The following NUCB2 variants were observed in gnomAD, a reference collection of about 807,000 sequenced individuals.
NUCB2 encodes the protein nucleobindin-2.
A neutral mutation model predicts 57.9 loss-of-function variants in NUCB2; 48 were observed. The ratio of observed to expected loss-of-function variants is 0.83; its 90% CI spans 0.66 to 1.05. The LOEUF (loss-of-function observed/expected upper bound fraction) is 1.05. Ranked by LOEUF, NUCB2 falls within the 50% of genes least tolerant of loss-of-function variation. NUCB2 has a pLI of 0.00. For synonymous variants in NUCB2, 139 were observed against 152.1 expected (o/e 0.91, Z 0.64); for missense variants, 442 against 476.2 (o/e 0.93, Z 0.67).
rs1555062027 is a variant in NUCB2, at chr11:17,282,259, T to TATATA, written c.-155-530_-155-529insATATA. 5.6e-4 allele frequency among the ~76,000 whole-genome samples: 41 copies of TATATA among 73,016 alleles called. No homozygotes were observed. In the South Asian group the frequency reaches 6.4e-3, roughly 11 times the overall value. 47.9% of individuals were successfully genotyped at this position (73,016 alleles called of 152,430 possible). A position where few individuals can be genotyped will look rare whatever the true frequency, so the allele number is the denominator to read the frequency against. ...ATCTATATATATATATATATATATA[T>TATATA]TTTTTTTTTTTTTTCCCAAGACAGA... On this transcript the variant is annotated intron_variant, in intron 1 of 13. Transcript: ENST00000529010.
chr11:17,302,667 G>T (rs1225986375), intron 5 of NUCB2, among the ~76,000 whole-genome samples: 1 of 151,846 alleles, frequency 6.6e-6, no homozygotes, highest in Admixed American at 6.6e-5. Context: ...AACTCCTAGG[G>T]CTCAGGTAGT....
rs34405111 is a variant in NUCB2 at position 17,330,174 on chromosome 11, T to G, written c.1050T>G (p.Tyr350Ter). 4 of 1,584,126 alleles carry G rather than the reference T, an allele frequency of 2.5e-6. No homozygotes were observed. The East Asian group carries it at 9.0e-5, about 36-fold the overall frequency. ...QFFTEEELKE[Y>*]ENIIALQENE... The stretch of plus-strand genomic sequence containing the variant: ...TCACAGAGGAAGAACTAAAAGAATA[T>G]GAAAATATTATTGCTTTACAAGAAA... The change falls in exon 12 of 14, where the codon TAT becomes TAG. Residue 350 changes from tyrosine (Y) to a stop codon, truncating the protein, a stop_gained. Coordinates refer to ENST00000529010, the MANE Select transcript of NUCB2 (RefSeq NM_005013.4). LOFTEE classifies it high-confidence loss of function. This position sits in a 1 kb window ranked among gnomAD's most constrained non-coding sequence, Gnocchi z 4.3.
At chr11:17,336,753 C>CAAAAAAAAAAAAAAAAAAAAAAAAAAA, downstream of NUCB2, among the ~76,000 whole-genome samples, 1 of 47,418 alleles carries the variant, frequency 2.1e-5, no homozygotes, top group Non-Finnish European at 3.5e-5. Context: ...GACTCCGTCT[C>CAAAAAAAAAAAAAAAAAAAAAAAAAAA]AAAAAAAAAA....
chr11:17,335,420 T>A (rs145125969), downstream of NUCB2, among the ~76,000 whole-genome samples: 33 of 152,340 alleles, frequency 2.2e-4, no homozygotes, highest in Middle Eastern at 6.8e-3. Context: ...TAATTTATAT[T>A]ATTCAGAAAA....
At chr11:17,313,908 A>G (rs1390472040) in intron 10 of NUCB2, among the ~76,000 whole-genome samples, 1 of 151,882 alleles carries the variant, frequency 6.6e-6, no homozygotes, top group Non-Finnish European at 1.5e-5. Context: ...ATGTCTCTAT[A>G]TATGCTCTAT....
Position 17,315,389 on chromosome 11 carries a change from G to A in NUCB2, c.916G>A (p.Asp306Asn). 1 of 1,589,688 alleles carries A rather than the reference G, an allele frequency of 6.3e-7. No individual in the cohort carries two copies. Among genetic ancestry groups the A allele is most frequent in the Non-Finnish European group, 8.6e-7 (1 of 1,161,042 alleles). ...GTATACATTTTGTTTTAATCAGGTT[G>A]ATACTAACAAAGACAGATTGGTGAC... ...RMREHVMNEV[D>N]TNKDRLVTLE... The change falls in exon 11 of 14, where the codon GAT becomes AAT. Residue 306 changes from aspartate (D) to asparagine (N), a missense_variant. By Grantham distance (23) the Asp-to-Asn change is conservative. Coordinates refer to ENST00000529010, the MANE Select transcript of NUCB2 (RefSeq NM_005013.4).
At chr11:17,300,226 G>GTC (rs1355237679) in intron 4 of NUCB2, among the ~76,000 whole-genome samples, 1 of 152,140 alleles carries the variant, frequency 6.6e-6, no homozygotes, top group African/African-American at 2.4e-5. Context: ...GGCCAGGCTG[G>GTC]TCTCAAAACT....
At position 17,295,476 on chromosome 11, in the gene NUCB2, A is replaced by G. The variant is rs1214892941; in HGVS notation, c.144+9A>G. ...CGAAGATAGAACCACCAGTAAGTGA[A>G]ATGAAGTGAAATGGGAGGAATTATA... On this transcript the variant is annotated intron_variant, in intron 3 of 13. Coordinates refer to ENST00000529010, the MANE Select transcript of NUCB2 (RefSeq NM_005013.4). 3 of 1,584,330 alleles carry G rather than the reference A, an allele frequency of 1.9e-6. No homozygotes were observed. The highest frequency in any genetic ancestry group is 2.6e-6 in the Non-Finnish European group (3 of 1,156,516).
chr11:17,348,319 G>GTTTTTTTT (rs55741571), intron 2 of NUCB2, among the ~76,000 whole-genome samples: 1 of 84,470 alleles, frequency 1.2e-5, no homozygotes, highest in East Asian at 3.5e-4. Flanking sequence ...TTGTTTTTGT[G>GTTTTTTTT]TTTTTTTTTT....
intron 11 of NUCB2, among the ~76,000 whole-genome samples, chr11:17,326,420 C>T (rs775877049): frequency 1.4e-5 from 2 of 145,862 alleles, no homozygotes; most frequent in African/African-American, 2.5e-5. Flanking sequence ...TGGGTTCAAG[C>T]GATTCTCCTG....
chr11:17,316,852 T>C (rs1012635601), intron 11 of NUCB2, among the ~76,000 whole-genome samples: 1 of 152,242 alleles, frequency 6.6e-6, no homozygotes, highest in Non-Finnish European at 1.5e-5. Flanking sequence ...ACAGCTACTC[T>C]AGTTTACCCA....
chr11:17,344,252 T>C (rs1369347079), intron 2 of NUCB2, among the ~76,000 whole-genome samples: 1 of 152,206 alleles, frequency 6.6e-6, no homozygotes, highest in East Asian at 1.9e-4. Flanking sequence ...CAGAAGCCTA[T>C]CTATAGTACT....
chr11:17,288,552 C>CTTTTTTCTT (rs1944214691), intron 2 of NUCB2, among the ~76,000 whole-genome samples: 1 of 101,190 alleles, frequency 9.9e-6, no homozygotes, highest in Non-Finnish European at 1.8e-5. Flanking sequence ...TCTTCTTCTT[C>CTTTTTTCTT]TTTTTTTTTT....
downstream of NUCB2, among the ~76,000 whole-genome samples, chr11:17,334,961 T>C (rs1022653333): frequency 1.3e-5 from 2 of 152,038 alleles, no homozygotes; most frequent in Non-Finnish European, 2.9e-5. Flanking sequence ...AAACTGTTAG[T>C]CCTTATTTTA....
chr11:17,319,135 A>G (rs1269965437), intron 11 of NUCB2, among the ~76,000 whole-genome samples: 1 of 152,230 alleles, frequency 6.6e-6, no homozygotes, highest in Non-Finnish European at 1.5e-5. Flanking sequence ...TAACCTGATC[A>G]TCCCTTCTAC....
intron 11 of NUCB2, among the ~76,000 whole-genome samples, chr11:17,324,780 C>T (rs529022961): frequency 0.016 from 2,355 of 147,164 alleles, 57 homozygotes; most frequent in African/African-American, 0.057. Flanking sequence ...GTCTATTTGT[C>T]TATTTATTTA....
At chr11:17,312,863 C>T (rs549440777) in intron 10 of NUCB2, among the ~76,000 whole-genome samples, 9 of 151,768 alleles carry the variant, frequency 5.9e-5, no homozygotes, top group African/African-American at 1.5e-4. Flanking sequence ...TGCACCACCA[C>T]GCCTGGCTGA....
At chr11:17,347,273 G>A (rs987967693) in intron 2 of NUCB2, among the ~76,000 whole-genome samples, 1 of 152,198 alleles carries the variant, frequency 6.6e-6, no homozygotes, top group Non-Finnish European at 1.5e-5. Flanking sequence ...TTCCAAAGGA[G>A]GCAAGTCAGA....
intron 1 of NUCB2, among the ~76,000 whole-genome samples, chr11:17,279,193 A>G (rs572663381): frequency 1.3e-5 from 2 of 152,230 alleles, no homozygotes; most frequent in Non-Finnish European, 2.9e-5. Context: ...ACTACGTCTC[A>G]AAAACAAAAC....
Sources: gnomAD v4.1 joint callset for allele counts (sites outside exome capture counted in the v4.1 genomes callset) on GRCh38, gnomAD v4.1.1 for gene constraint, Gnocchi (gnomAD v3.1) non-coding constraint, MANE v1.5 for transcripts, NCBI Gene and HGNC (gene_info 2026-07-23, HGNC 2026-07-21) for gene names.